GTF2A1: variants seen among roughly 807,000 people sequenced by gnomAD.
GTF2A1 encodes the protein general transcription factor IIA subunit 1.
Under a neutral mutation model 54.1 loss-of-function variants are expected in GTF2A1, and 12 were observed. That is an observed-to-expected ratio of 0.22 (90% confidence interval 0.14 to 0.36). The LOEUF (loss-of-function observed/expected upper bound fraction) is 0.36. Among genes scored for constraint, GTF2A1 ranks in the 10% least tolerant of loss-of-function variants. The pLI, the probability that GTF2A1 is intolerant of heterozygous loss-of-function variation, is 1.00. For synonymous variants in GTF2A1, 145 were observed against 152.0 expected (o/e 0.95, Z 0.34); for missense variants, 335 against 442.2 (o/e 0.76, Z 2.17).
chr14:81,208,969 T>C (rs1359523207), intron 2 of GTF2A1, among the ~76,000 whole-genome samples: 3 of 152,242 alleles, frequency 2.0e-5, no homozygotes, highest in Non-Finnish European at 4.4e-5. Flanking sequence ...AGAAGGGACT[T>C]GCCTTGTCTC....
intron 2 of GTF2A1, among the ~76,000 whole-genome samples, chr14:81,209,336 C>A (rs1039310537): frequency 6.6e-6 from 1 of 152,188 alleles, no homozygotes; most frequent in Non-Finnish European, 1.5e-5. Context: ...GTAAGAAGAG[C>A]CTTTCACTTC....
chr14:81,184,386 A>G (rs919594177), intron 8 of GTF2A1, among the ~76,000 whole-genome samples: 22 of 152,148 alleles, frequency 1.4e-4, no homozygotes, highest in Non-Finnish European at 7.4e-5. Flanking sequence ...TGTATCTAAC[A>G]GGAAATTACA....
intron 7 of GTF2A1, among the ~76,000 whole-genome samples, chr14:81,187,633 T>A (rs1004929707): frequency 6.6e-6 from 1 of 152,252 alleles, no homozygotes; most frequent in African/African-American, 2.4e-5. Context: ...GTGTGGCTGA[T>A]GTCTTTCACA....
In GTF2A1 at chr14:81,180,185, TAA is replaced by T. The variant is rs1424424971; in HGVS notation, c.*36_*37del. ...CAAACTGTCCGCTTTACATTTTTTT[TAA>T]GTTTCTTTTATTTATAAAAGAAAAA... On this transcript the variant is annotated 3_prime_UTR_variant, in exon 9 of 9. Transcript: ENST00000553612. The T allele has an allele frequency of 1.2e-6, 1 of 851,946 alleles. No homozygotes were observed. The highest frequency in any genetic ancestry group is 2.4e-5 in the Admixed American group (1 of 42,474). The allele number at this position is 851,946 out of a possible 1,614,324, so 52.8% of individuals were successfully genotyped here.
chr14:81,211,906 T>TATATATATATATATATATATATATAA (rs1482333114), intron 2 of GTF2A1, among the ~76,000 whole-genome samples: 1 of 140,804 alleles, frequency 7.1e-6, no homozygotes, highest in African/African-American at 2.7e-5. Flanking sequence ...TATATATATA[T>TATATATATATATATATATATATATAA]ATAACTAGAG....
intron 7 of GTF2A1, among the ~76,000 whole-genome samples, chr14:81,189,619 A>C (rs559269105): frequency 2.0e-5 from 3 of 152,220 alleles, no homozygotes; most frequent in South Asian, 2.1e-4. Context: ...TGCAGTGAGC[A>C]GAGATAGTGC....
chr14:81,188,734 G>A (rs762426901), intron 7 of GTF2A1, among the ~76,000 whole-genome samples: 3 of 151,634 alleles, frequency 2.0e-5, no homozygotes, highest in Non-Finnish European at 2.9e-5. Context: ...CCGACATCGC[G>A]CCACTGCACT....
chr14:81,198,110 C>T (rs1055682087), intron 4 of GTF2A1, among the ~76,000 whole-genome samples: 1 of 152,110 alleles, frequency 6.6e-6, no homozygotes, highest in Non-Finnish European at 1.5e-5. Context: ...CTAGGTGAAA[C>T]ATGCATTAAT....
In GTF2A1 at chr14:81,185,634, G is replaced by C. The variant is rs1328865589; in HGVS notation, c.934-14C>G. ...ATTGAGGGGCTCCTACAAATAAAAG[G>C]AGAGTTCTTATTACTATAAGAAGGC... On this transcript the variant is annotated splice_polypyrimidine_tract_variant and intron_variant, in intron 7 of 8. Coordinates refer to ENST00000553612, the MANE Select transcript of GTF2A1 (RefSeq NM_015859.4). 7.0e-7 allele frequency: 1 copy of C among 1,424,328 alleles called. No individual in the cohort carries two copies. The highest frequency in any genetic ancestry group is 9.9e-7 in the Non-Finnish European group (1 of 1,010,178). The allele number at this position is 1,424,328 out of a possible 1,614,324, so 88.2% of individuals were successfully genotyped here.
intron 7 of GTF2A1, among the ~76,000 whole-genome samples, chr14:81,188,930 G>T (rs558665572): frequency 2.2e-3 from 328 of 152,244 alleles, no homozygotes; most frequent in Non-Finnish European, 3.7e-3. Context: ...TAACTCTTTT[G>T]CATGCGGATA....
At chr14:81,206,466 C>G (rs117201134) in intron 2 of GTF2A1, among the ~76,000 whole-genome samples, 1 of 152,294 alleles carries the variant, frequency 6.6e-6, no homozygotes, top group East Asian at 1.9e-4. Flanking sequence ...TGAGAAGATA[C>G]AGTGAACAAA....
At chr14:81,216,688 T>C (rs1442468990) in intron 1 of GTF2A1, among the ~76,000 whole-genome samples, 174 bp from the exon 2 acceptor site, 2 of 152,234 alleles carry the variant, frequency 1.3e-5, no homozygotes, top group Non-Finnish European at 2.9e-5. Flanking sequence ...CACACTTTAA[T>C]AAAAATTTTA....
chr14:81,189,106 G>GTC (rs985974116), intron 7 of GTF2A1, among the ~76,000 whole-genome samples: 40 of 152,252 alleles, frequency 2.6e-4, no homozygotes, highest in Middle Eastern at 3.4e-3. Flanking sequence ...GAAAAAAGCT[G>GTC]TACCAGGCAA....
intron 3 of GTF2A1, among the ~76,000 whole-genome samples, chr14:81,203,083 G>T (rs1008375807): frequency 6.6e-6 from 1 of 152,186 alleles, no homozygotes; most frequent in South Asian, 2.1e-4. Flanking sequence ...GAATGCTCAG[G>T]AAGTTTTATA....
chr14:81,198,360 G>A (rs1893033937), intron 4 of GTF2A1, among the ~76,000 whole-genome samples: 1 of 152,114 alleles, frequency 6.6e-6, no homozygotes, highest in South Asian at 2.1e-4. Context: ...TGGGAGGATG[G>A]CTTGAACCTG....
At chr14:81,216,352 G>A (rs754290441) in intron 2 of GTF2A1, 61 bp downstream of exon 2, 13 of 753,894 alleles carry the variant, frequency 1.7e-5, no homozygotes, top group African/African-American at 5.3e-5. Flanking sequence ...ATTCATCTCC[G>A]GCTAAAGAAA....
chr14:81,177,326 C>T lies in GTF2A1; in HGVS notation c.*2897G>A, dbSNP rs562125799. The stretch of plus-strand genomic sequence containing the variant: ...AAAAGCCCAACATAAAGATCCCCCT[C>T]ACATAACAGACATTTTACTCTAGAA... On this transcript the variant is annotated 3_prime_UTR_variant, in exon 9 of 9. Coordinates refer to ENST00000553612, the MANE Select transcript of GTF2A1 (RefSeq NM_015859.4). The T allele has an allele frequency of 6.6e-6, 1 of 152,210 alleles. No homozygotes were observed. Among genetic ancestry groups the T allele is most frequent in the African/African-American group, 2.4e-5 (1 of 41,562 alleles). The allele number at this position is 152,210 out of a possible 1,614,324, so 9.4% of individuals were successfully genotyped here. A position where few individuals can be genotyped will look rare whatever the true frequency, so the allele number is the denominator to read the frequency against.
At chr14:81,189,892 A>C (rs554204412) in intron 7 of GTF2A1, among the ~76,000 whole-genome samples, 2 of 152,286 alleles carry the variant, frequency 1.3e-5, no homozygotes, top group African/African-American at 4.8e-5. Flanking sequence ...TACAAACAAA[A>C]CAGTTAAGTC....
chr14:81,216,522 G>A lies in GTF2A1; in HGVS notation c.31-8C>T. 3 of 1,283,778 alleles carry A rather than the reference G, an allele frequency of 2.3e-6. No individual in the cohort carries two copies. Among genetic ancestry groups the A allele is most frequent in the Non-Finnish European group, 3.4e-6 (3 of 894,168 alleles). The allele number at this position is 1,283,778 out of a possible 1,614,324, so 79.5% of individuals were successfully genotyped here. ...AGATCTGTATAATTTAGGCTTTAAA[G>A]GAAAAATAAAAGACTTGAAAAAGAC... On this transcript the variant is annotated splice_region_variant and splice_polypyrimidine_tract_variant and intron_variant, in intron 1 of 8. Coordinates refer to ENST00000553612, the MANE Select transcript of GTF2A1 (RefSeq NM_015859.4).
Sources: gnomAD v4.1 joint callset for allele counts (sites outside exome capture counted in the v4.1 genomes callset) on GRCh38, gnomAD v4.1.1 for gene constraint, MANE v1.5 for transcripts, NCBI Gene and HGNC (gene_info 2026-07-23, HGNC 2026-07-21) for gene names.